Variants in FRMD4A observed in about 807,000 individuals in gnomAD.
The protein encoded by FRMD4A is FERM domain containing 4A.
In FRMD4A, 29 loss-of-function variants were observed where a neutral mutation model predicts 129.1. The observed-to-expected ratio is 0.22, with a 90% CI of 0.17 to 0.31. The LOEUF (loss-of-function observed/expected upper bound fraction) is 0.31. Among genes scored for constraint, FRMD4A ranks in the 10% least tolerant of loss-of-function variants. The probability of loss-of-function intolerance (pLI) is 1.00; values close to 1 mark genes in which losing one functional copy is unlikely to be tolerated. For missense variants in FRMD4A, 1,272 were observed against 1,375.8 expected (o/e 0.92, Z 1.19); for synonymous variants, 634 against 571.6 (o/e 1.11, Z -1.56).
chr10:14,043,687 C>A (rs1833873187), intron 2 of FRMD4A, among the ~76,000 whole-genome samples: 2 of 152,210 alleles, frequency 1.3e-5, no homozygotes, highest in Admixed American at 6.5e-5. Flanking sequence ...CAGGCACAGA[C>A]AACGACGCCA....
intron 2 of FRMD4A, among the ~76,000 whole-genome samples, chr10:14,214,304 C>T (rs1183951089): frequency 6.6e-6 from 1 of 152,178 alleles, no homozygotes; most frequent in Non-Finnish European, 1.5e-5. Flanking sequence ...ATCTTCAAAC[C>T]CCAACCCACA....
At chr10:13,810,976 C>T in intron 3 of FRMD4A, 68 bp from the exon 4 acceptor site, 1 of 757,360 alleles carries the variant, frequency 1.3e-6, no homozygotes, top group South Asian at 1.6e-5. Context: ...TATGCAATCT[C>T]AGGTTTCCAT....
At chr10:13,799,395 C>G (rs545082948) in intron 4 of FRMD4A, among the ~76,000 whole-genome samples, 1 of 152,304 alleles carries the variant, frequency 6.6e-6, no homozygotes, top group East Asian at 1.9e-4. Context: ...TGAACTCAGG[C>G]AATCCACCTG....
At chr10:13,812,677 G>A (rs2093469743) in intron 3 of FRMD4A, among the ~76,000 whole-genome samples, 1 of 152,166 alleles carries the variant, frequency 6.6e-6, no homozygotes, top group South Asian at 2.1e-4. Flanking sequence ...GGGCTCCTGG[G>A]TGGCAGCCTC....
At chr10:13,846,137 A>T (rs1025229453) in intron 3 of FRMD4A, among the ~76,000 whole-genome samples, 6 of 152,262 alleles carry the variant, frequency 3.9e-5, no homozygotes, top group African/African-American at 1.4e-4. Context: ...TACAAAAATA[A>T]GCGTTCAATT....
chr10:13,719,604 T>G (rs988273487), intron 12 of FRMD4A, among the ~76,000 whole-genome samples: 2 of 151,988 alleles, frequency 1.3e-5, no homozygotes, highest in Non-Finnish European at 2.9e-5. Flanking sequence ...TTCCGGAAGG[T>G]CAGTTCAGCC....
chr10:13,886,905 A>G (rs183707817), intron 2 of FRMD4A, among the ~76,000 whole-genome samples: 13 of 152,364 alleles, frequency 8.5e-5, no homozygotes, highest in African/African-American at 3.1e-4. Flanking sequence ...CGCAGTAGCC[A>G]CGGATTGGCA....
At chr10:14,299,909 G>C (rs1214635930) in intron 2 of FRMD4A, among the ~76,000 whole-genome samples, 1 of 152,156 alleles carries the variant, frequency 6.6e-6, no homozygotes, top group African/African-American at 2.4e-5. Flanking sequence ...AGTCCTTGCA[G>C]AATGGGTGGG....
chr10:14,111,678 T>C (rs928732968), intron 2 of FRMD4A, among the ~76,000 whole-genome samples: 2 of 152,054 alleles, frequency 1.3e-5, no homozygotes, highest in Admixed American at 1.3e-4. Flanking sequence ...GGGCAATGCA[T>C]TACGTCATGT....
At chr10:14,187,556 T>A (rs542511444) in intron 2 of FRMD4A, among the ~76,000 whole-genome samples, 2 of 152,178 alleles carry the variant, frequency 1.3e-5, no homozygotes, top group South Asian at 4.1e-4. Context: ...CAAATTGACA[T>A]AGAAAAAGAT....
At chr10:13,731,370 C>T (rs192110616) in intron 12 of FRMD4A, among the ~76,000 whole-genome samples, 8 of 152,136 alleles carry the variant, frequency 5.3e-5, no homozygotes, top group Non-Finnish European at 7.4e-5. Context: ...ACATCTTGGC[C>T]GGGCGCAGTG....
chr10:13,779,594 AC>A (rs2092686716), intron 6 of FRMD4A, among the ~76,000 whole-genome samples: 1 of 152,188 alleles, frequency 6.6e-6, no homozygotes, highest in Non-Finnish European at 1.5e-5. Flanking sequence ...ATTCAGAAAA[AC>A]ATCTGTTAAT....
chr10:14,321,857 G>A (rs768421605), intron 2 of FRMD4A, among the ~76,000 whole-genome samples: 69 of 152,148 alleles, frequency 4.5e-4, no homozygotes, highest in Non-Finnish European at 9.1e-4. Flanking sequence ...GGAGGTGATT[G>A]TATCATGGGG....
chr10:14,272,991 G>C, intron 2 of FRMD4A, among the ~76,000 whole-genome samples: 2 of 151,786 alleles, frequency 1.3e-5, no homozygotes, highest in East Asian at 3.9e-4. Flanking sequence ...TGAGGCAGAC[G>C]GATTGCCTGA....
intron 2 of FRMD4A, among the ~76,000 whole-genome samples, chr10:14,179,312 G>T (rs1841833529): frequency 6.6e-6 from 1 of 152,134 alleles, no homozygotes; most frequent in Non-Finnish European, 1.5e-5. Flanking sequence ...CACCGTGAAG[G>T]CTTTACCCTC....
At chr10:14,330,024 C>CT (rs1564469808) in intron 2 of FRMD4A, 34 bp downstream of exon 2, 1 of 1,550,464 alleles carries the variant, frequency 6.4e-7, no homozygotes, top group East Asian at 2.4e-5. Context: ...GGAGTGGACG[C>CT]TGCCCGGGCC....
At chr10:14,270,269 T>C (rs1326664615) in intron 2 of FRMD4A, among the ~76,000 whole-genome samples, 3 of 152,238 alleles carry the variant, frequency 2.0e-5, no homozygotes, top group Non-Finnish European at 4.4e-5. Context: ...CCAATTCCCC[T>C]GATAAATTCC....
chr10:13,698,105 A>G, intron 14 of FRMD4A, among the ~76,000 whole-genome samples: 1 of 151,926 alleles, frequency 6.6e-6, no homozygotes, highest in South Asian at 2.1e-4. Flanking sequence ...GGAGGGAGAG[A>G]CAGGCAGAGA....
intron 2 of FRMD4A, among the ~76,000 whole-genome samples, chr10:14,271,390 G>T (rs1845158759): frequency 1.3e-5 from 2 of 152,202 alleles, no homozygotes. Flanking sequence ...CCCTAGATAG[G>T]ATGCTATCCC....
Sources: allele counts gnomAD v4.1 joint callset (sites outside exome capture counted in the v4.1 genomes callset), GRCh38; gene constraint gnomAD v4.1.1; transcripts MANE v1.5; gene names NCBI Gene and HGNC (gene_info 2026-07-23, HGNC 2026-07-21).